The following UNC13C variants were observed in gnomAD, a reference collection of about 807,000 sequenced individuals.
The protein encoded by UNC13C is unc-13 homolog C.
In UNC13C, 174 loss-of-function variants were observed where a neutral mutation model predicts 245.4. That is an observed-to-expected ratio of 0.71 (90% confidence interval 0.63 to 0.80). The LOEUF is 0.80. UNC13C is among the 30% of genes least tolerant of loss of function. The probability of loss-of-function intolerance (pLI) is 0.00; values close to 1 mark genes in which losing one functional copy is unlikely to be tolerated. For synonymous variants in UNC13C, 992 were observed against 895.1 expected (o/e 1.11, Z -1.93); for missense variants, 2,829 against 2,602.9 (o/e 1.09, Z -1.89).
chr15:54,034,486 C>G (rs1477573565), intron 2 of UNC13C, among the ~76,000 whole-genome samples: 2 of 152,052 alleles, frequency 1.3e-5, no homozygotes, highest in Non-Finnish European at 2.9e-5. Context: ...CTTCAGGCAC[C>G]TAGGTTAATA....
chr15:54,327,488 C>A (rs1054822554), intron 14 of UNC13C, among the ~76,000 whole-genome samples: 12 of 151,650 alleles, frequency 7.9e-5, no homozygotes, highest in African/African-American at 2.9e-4. Flanking sequence ...TAGTGATTTT[C>A]ATAAAATTTG....
At chr15:54,059,704 T>C (rs1178991256) in intron 2 of UNC13C, among the ~76,000 whole-genome samples, 1 of 152,192 alleles carries the variant, frequency 6.6e-6, no homozygotes, top group Non-Finnish European at 1.5e-5. Flanking sequence ...TCACGTTACC[T>C]GACTTCAAAC....
rs375696427 is a variant in UNC13C at position 54,031,372 on chromosome 15, C to A, written c.2983+15486C>A. On this transcript the variant is annotated intron_variant, in intron 2 of 32. Coordinates refer to ENST00000260323, the MANE Select transcript of UNC13C (RefSeq NM_001080534.3). ...CTGAGTACCTGGGACTACAGGCAGC[C>A]GCCACCGCGCCTGGCTAATTTTTTG... 9.9e-5 allele frequency among the ~76,000 whole-genome samples: 15 copies of A among 152,128 alleles called. No individual in the cohort carries two copies. The South Asian group carries it at 2.9e-3, about 29-fold the overall frequency.
chr15:53,901,554 T>C, the UNC13C span, among the ~76,000 whole-genome samples: 1 of 152,184 alleles, frequency 6.6e-6, no homozygotes, highest in Non-Finnish European at 1.5e-5. Flanking sequence ...GGATGTGCCA[T>C]AATTTATTTA....
chr15:54,530,291 T>C (rs971254124), intron 25 of UNC13C, among the ~76,000 whole-genome samples: 1 of 152,204 alleles, frequency 6.6e-6, no homozygotes, highest in African/African-American at 2.4e-5. Context: ...TTGCCATTTG[T>C]GTGTTTGTCT....
At chr15:54,135,098 G>A (rs780671832) in intron 2 of UNC13C, among the ~76,000 whole-genome samples, 1 of 152,020 alleles carries the variant, frequency 6.6e-6, no homozygotes, top group Non-Finnish European at 1.5e-5. Flanking sequence ...ATGTGTATTA[G>A]CCATTAATGT....
intron 2 of UNC13C, among the ~76,000 whole-genome samples, chr15:54,106,924 G>C (rs541291030): frequency 6.6e-6 from 1 of 152,196 alleles, no homozygotes; most frequent in Non-Finnish European, 1.5e-5. Context: ...TGGCTCAGGG[G>C]CACTCTTGCT....
chr15:54,265,517 C>T, intron 10 of UNC13C, 21 bp downstream of exon 10: 1 of 1,446,628 alleles, frequency 6.9e-7, no homozygotes, highest in Non-Finnish European at 9.2e-7. Context: ...AATGTGAAAC[C>T]TTTACAAATA....
At chr15:54,098,691 A>T (rs1345651918) in intron 2 of UNC13C, among the ~76,000 whole-genome samples, 1 of 152,252 alleles carries the variant, frequency 6.6e-6, no homozygotes, top group Non-Finnish European at 1.5e-5. Flanking sequence ...GTTATAATAC[A>T]GCTGATAAAT....
At chr15:54,009,766 C>A (rs1005722619) in intron 1 of UNC13C, among the ~76,000 whole-genome samples, 1 of 152,040 alleles carries the variant, frequency 6.6e-6, no homozygotes, top group Non-Finnish European at 1.5e-5. Flanking sequence ...AGGATGATCT[C>A]GAATTCCTGA....
intron 2 of UNC13C, among the ~76,000 whole-genome samples, chr15:54,059,650 C>T: frequency 6.6e-6 from 1 of 152,162 alleles, no homozygotes; most frequent in East Asian, 1.9e-4. Context: ...AAAGAGCCCA[C>T]ATTGCCAAGT....
At chr15:54,231,759 C>G (rs1241438072) in intron 4 of UNC13C, among the ~76,000 whole-genome samples, 5 of 151,998 alleles carry the variant, frequency 3.3e-5, no homozygotes, top group Admixed American at 3.3e-4. Flanking sequence ...GAAACAGCTT[C>G]TTTTCTTATC....
intron 2 of UNC13C, among the ~76,000 whole-genome samples, chr15:54,126,154 G>A (rs2031024828): frequency 6.6e-6 from 1 of 152,034 alleles, no homozygotes; most frequent in Non-Finnish European, 1.5e-5. Flanking sequence ...TACATTAAAT[G>A]GTGTAAATGC....
intron 26 of UNC13C, among the ~76,000 whole-genome samples, chr15:54,534,409 A>G (rs902924930): frequency 6.6e-6 from 1 of 152,232 alleles, no homozygotes; most frequent in African/African-American, 2.4e-5. Context: ...AAGGCATGAA[A>G]GAATATAAAA....
intron 2 of UNC13C, among the ~76,000 whole-genome samples, chr15:54,103,326 C>T (rs539711900): frequency 2.0e-5 from 3 of 152,294 alleles, no homozygotes; most frequent in South Asian, 4.2e-4. Flanking sequence ...GCCTGTCTTC[C>T]TTACCTTATG....
chr15:54,008,222 C>T (rs941552297), intron 1 of UNC13C, among the ~76,000 whole-genome samples: 2 of 152,070 alleles, frequency 1.3e-5, no homozygotes, highest in African/African-American at 2.4e-5. Flanking sequence ...TATTAGTTTC[C>T]GAGTTTACAC....
chr15:54,386,750 A>C (rs1206559546), intron 17 of UNC13C, among the ~76,000 whole-genome samples: 1 of 152,162 alleles, frequency 6.6e-6, no homozygotes, highest in Non-Finnish European at 1.5e-5. Context: ...ATGAGAATTG[A>C]ATTGTAATGA....
the UNC13C span, among the ~76,000 whole-genome samples, chr15:53,971,844 A>G: frequency 6.6e-6 from 1 of 152,168 alleles, no homozygotes; most frequent in African/African-American, 2.4e-5. Flanking sequence ...GATGGTGTTG[A>G]TAAAAGGAAC....
chr15:54,263,334 G>C (rs558201464), intron 8 of UNC13C, among the ~76,000 whole-genome samples: 1 of 152,186 alleles, frequency 6.6e-6, no homozygotes, highest in Admixed American at 6.5e-5. Context: ...TTGAAATCAT[G>C]GTCCGTTATT....
Sources: gnomAD v4.1 joint callset for allele counts (sites outside exome capture counted in the v4.1 genomes callset) on GRCh38, gnomAD v4.1.1 for gene constraint, MANE v1.5 for transcripts, NCBI Gene and HGNC (gene_info 2026-07-23, HGNC 2026-07-21) for gene names.